Variants in FAT1 observed in about 807,000 individuals in gnomAD.
The protein encoded by FAT1 is protocadherin Fat 1.
FAT1 carries 171 observed loss-of-function variants against 329.8 expected under a neutral mutation model. The ratio of observed to expected loss-of-function variants is 0.52; its 90% CI spans 0.46 to 0.59. The LOEUF is 0.59. Among genes scored for constraint, FAT1 ranks in the 20% least tolerant of loss-of-function variants. FAT1 has a pLI of 0.00. For synonymous variants in FAT1, 2,233 were observed against 2,228.6 expected, an observed-to-expected ratio of 1.00 and a Z score of -0.06; for missense variants, 5,672 against 5,774.4, an observed-to-expected ratio of 0.98 and a Z score of 0.57.
At chr4:186,714,483 T>G (rs1330996585) in intron 1 of FAT1, among the ~76,000 whole-genome samples, 1 of 151,890 alleles carries the variant, frequency 6.6e-6, no homozygotes, top group Non-Finnish European at 1.5e-5. Context: ...GCAGCAGATA[T>G]GTGGGAGACT....
chr4:186,611,634 A>G lies in FAT1; in HGVS notation c.9605T>C (p.Val3202Ala), dbSNP rs2126469021. 1 of 1,613,464 alleles carries G rather than the reference A, an allele frequency of 6.2e-7. No homozygotes were observed. The highest frequency in any genetic ancestry group is 8.5e-7 in the Non-Finnish European group (1 of 1,179,708). The change falls in exon 14 of 27, where the codon GTG becomes GCG. Residue 3202 changes from valine (V) to alanine (A), a missense_variant. By Grantham distance (64) the Val-to-Ala change is moderately conservative. Around this residue, in one of 2 missense-constraint regions of FAT1, gnomAD observed 1,706 missense variants for 1,859.1 expected, o/e 0.92. Transcript: ENST00000441802. The part of the protein sequence containing the change: ...QAVYTLSLKA[V>A]DQGLPRRLTA... ...CAGCCTCCTTGGCAAGCCTTGATCC[A>G]CAGCTTTCAAAGAGAGGGTGTATAC...
chr4:186,701,922 C>T (rs189965365), intron 2 of FAT1, among the ~76,000 whole-genome samples: 6 of 152,366 alleles, frequency 3.9e-5, no homozygotes, highest in East Asian at 1.9e-4. Context: ...GAAACGCACT[C>T]ACCTGTGTGC....
intron 9 of FAT1, among the ~76,000 whole-genome samples, chr4:186,622,565 A>G (rs572809737): frequency 1.3e-5 from 2 of 152,332 alleles, no homozygotes; most frequent in East Asian, 3.9e-4. Context: ...TGAAGCTGAG[A>G]GGCTGCTCAA....
At chr4:186,659,259 A>G (rs1193383610) in intron 3 of FAT1, among the ~76,000 whole-genome samples, 1 of 152,188 alleles carries the variant, frequency 6.6e-6, no homozygotes, top group East Asian at 1.9e-4. Context: ...TGTCCACACA[A>G]CGACAAAATC....
At chr4:186,665,839 T>C (rs1384233247) in intron 2 of FAT1, among the ~76,000 whole-genome samples, 1 of 151,986 alleles carries the variant, frequency 6.6e-6, no homozygotes, top group Non-Finnish European at 1.5e-5. Flanking sequence ...CTACACACCA[T>C]GGAATACTAG....
chr4:186,603,927 A>G lies in FAT1; in HGVS notation c.10599T>C (p.Ile3533=), dbSNP rs750788698. 9.9e-6 allele frequency: 16 copies of G among 1,613,754 alleles called. No homozygotes were observed. The highest frequency in any genetic ancestry group is 1.6e-4 in the Middle Eastern group (1 of 6,084). Residue 3533 remains isoleucine, a synonymous_variant, in exon 19 of 27, where the codon ATT becomes ATC. Coordinates refer to ENST00000441802, the MANE Select transcript of FAT1 (RefSeq NM_005245.4). ...GATAGATGCTCTCCTCAATTACCCT[A>G]ATGTCAATGTATGTCAAAGATGACA... The part of the protein sequence containing the change: ...PQLSSLTYID[I]RVIEESIYPP...
intron 23 of FAT1, 77 bp from the exon 24 acceptor site, chr4:186,597,869 G>T: frequency 6.4e-7 from 1 of 1,558,950 alleles, no homozygotes; most frequent in Non-Finnish European, 8.8e-7. Context: ...AAGCAAAACA[G>T]AACACATTAG....
At chr4:186,594,887 AAT>A (rs1458093196) in intron 26 of FAT1, among the ~76,000 whole-genome samples, 1 of 151,656 alleles carries the variant, frequency 6.6e-6, no homozygotes, top group Non-Finnish European at 1.5e-5. Flanking sequence ...ATAACATATT[AAT>A]ATGTTTAATA....
In FAT1 at chr4:186,702,341, AAT is replaced by A. The variant is rs372731733; in HGVS notation, c.3265+4220_3265+4221del. Among the ~76,000 whole-genome samples, 257 of 152,350 alleles carry A rather than the reference AAT, an allele frequency of 1.7e-3. 1 individual carries two copies. Among genetic ancestry groups the A allele is most frequent in the African/African-American group, 5.3e-3 (219 of 41,580 alleles). On this transcript the variant is annotated intron_variant, in intron 2 of 26. Transcript: ENST00000441802. ...GGGATGCTAAAAGTAACACAGCAGT[AAT>A]ATGTTTAGAGATCTGCTCTTATCTT...
chr4:186,592,168 A>G lies in FAT1; in HGVS notation c.13139-2948T>C, dbSNP rs1214720428. On this transcript the variant is annotated intron_variant, in intron 26 of 26. Coordinates refer to ENST00000441802, the MANE Select transcript of FAT1 (RefSeq NM_005245.4). ...TATTTTAATTTAAAATAATTTGGGG[A>G]AGGTGCTCAATGTCCTTTCTTACAA... is the stretch of plus-strand genomic sequence containing the variant. Among the ~76,000 whole-genome samples the G allele has an allele frequency of 2.0e-5, 3 of 152,190 alleles. No homozygotes were observed. In the East Asian group the frequency reaches 5.8e-4, roughly 29 times the overall value.
chr4:186,710,786 G>A (rs954977705), intron 1 of FAT1, among the ~76,000 whole-genome samples: 14 of 152,134 alleles, frequency 9.2e-5, no homozygotes, highest in Admixed American at 1.3e-4. Flanking sequence ...GCTAACACAC[G>A]TCAAGGGTCA....
At position 186,663,543 on chromosome 4, in the gene FAT1, G is replaced by C. The variant is rs779141601; in HGVS notation, c.3336C>G (p.Thr1112=). ...TSHYWLTVFA[T]DQGVVPLSSF... ...ATGAAAGAGGCACGACACCCTGATC[G>C]GTTGCAAAGACTGTTAGCCAATAAT... The change falls in exon 3 of 27, where the codon ACC becomes ACG. Residue 1112 remains threonine, a synonymous_variant. Coordinates refer to ENST00000441802, the MANE Select transcript of FAT1 (RefSeq NM_005245.4). The C allele has an allele frequency of 4.3e-6, 7 of 1,613,544 alleles. No individual in the cohort carries two copies.
At position 186,619,468 on chromosome 4, in the gene FAT1, T is replaced by A. The variant is rs142890707; in HGVS notation, c.7118A>T (p.Asp2373Val). Residue 2373 changes from aspartate to valine, a missense_variant, in exon 10 of 27, where the codon GAT (aspartate) becomes GTT (valine). Transcript: ENST00000441802. ...GGTAACGTCCACCGTGACAATCACA[T>A]CACTGCTCAGCGTGGGCATACCACC... ...VDGGMPTLSS[D>V]VIVTVDVTDL... 3.1e-6 allele frequency: 5 copies of A among 1,613,994 alleles called. No individual in the cohort carries two copies. The highest frequency in any genetic ancestry group is 4.2e-6 in the Non-Finnish European group (5 of 1,179,890).
chr4:186,707,210 A>G lies in FAT1; in HGVS notation c.2618T>C (p.Val873Ala), dbSNP rs1352463046. Residue 873 changes from valine to alanine, a missense_variant, in exon 2 of 27, where the codon GTG (valine) becomes GCG (alanine). Around this residue, in one of 2 missense-constraint regions of FAT1, gnomAD observed 3,966 missense variants for 3,915.2 expected, o/e 1.01. Coordinates refer to ENST00000441802, the MANE Select transcript of FAT1 (RefSeq NM_005245.4). ...GCGTGCGATGTTAACAACACCCGTC[A>G]CGCTGTCAATTGAAAATGTGTCTGT... ...TDTDTFSIDSVTGVVNIARPL... is the reference protein window; with the variant it reads ...TDTDTFSIDSATGVVNIARPL... 5.6e-6 allele frequency: 9 copies of G among 1,613,792 alleles called. No individual in the cohort carries two copies. The African/African-American group carries it at 6.7e-5, about 12-fold the overall frequency.
Position 186,600,149 on chromosome 4 carries a change from AAC to A in FAT1, c.11850_11851del (p.Phe3952TrpfsTer19), listed in dbSNP as rs781253827. ...CTGCTGACGGATGTGGCCACCAAAA[AAC>A]ACATAGTTATCCAGGTTCAGGGTTT... On this transcript the variant is annotated frameshift_variant, in exon 22 of 27. Transcript: ENST00000441802. LOFTEE classifies it high-confidence loss of function. 8 of 1,614,036 alleles carry A rather than the reference AAC, an allele frequency of 5.0e-6. No homozygotes were observed. The highest frequency in any genetic ancestry group is 6.8e-6 in the Non-Finnish European group (8 of 1,179,896).
In FAT1 at chr4:186,706,821, C is replaced by T. The variant is rs2126683347; in HGVS notation, c.3007G>A (p.Ala1003Thr). ...KKQVYNLTVR[A>T]KDKGKPVSLS... ...GAAACTGGCTTTCCCTTGTCTTTGG[C>T]CCTCACAGTGAGATTATACACTTGC... Residue 1003 changes from alanine to threonine, a missense_variant, in exon 2 of 27, where the codon GCC becomes ACC. Physicochemically the swap from Ala to Thr is moderately conservative, Grantham distance 58 (BLOSUM62 0). Around this residue, in one of 2 missense-constraint regions of FAT1, gnomAD observed 3,966 missense variants for 3,915.2 expected, o/e 1.01. Transcript: ENST00000441802. 6.2e-7 allele frequency: 1 copy of T among 1,614,002 alleles called. No homozygotes were observed. Among genetic ancestry groups the T allele is most frequent in the African/African-American group, 1.3e-5 (1 of 75,046 alleles).
At chr4:186,724,183 T>TAAAAAAAA (rs59026469), upstream of FAT1, among the ~76,000 whole-genome samples, 17 of 71,324 alleles carry the variant, frequency 2.4e-4, no homozygotes, top group African/African-American at 8.1e-4. The surrounding 1 kb of genome is among the most constrained non-coding windows in gnomAD (Gnocchi z 5.3). Context: ...TTAGCTTAGC[T>TAAAAAAAA]AAAAAAAAAA....
intron 2 of FAT1, among the ~76,000 whole-genome samples, chr4:186,675,324 T>C (rs1020627076): frequency 1.3e-5 from 2 of 150,672 alleles, no homozygotes; most frequent in Non-Finnish European, 3.0e-5. Flanking sequence ...AAAACTAGCC[T>C]CAGCATGGTG....
intron 16 of FAT1, among the ~76,000 whole-genome samples, 196 bp downstream of exon 16, chr4:186,608,987 C>CT (rs761771130): frequency 1.6e-4 from 25 of 152,204 alleles, no homozygotes; most frequent in Admixed American, 4.6e-4. Context: ...ATTATCCAAA[C>CT]TTTATCCTAG....
Sources: allele counts gnomAD v4.1 joint callset (sites outside exome capture counted in the v4.1 genomes callset), GRCh38; gene constraint gnomAD v4.1.1; regional missense constraint gnomAD v4.1.1; non-coding constraint Gnocchi (gnomAD v3.1); transcripts MANE v1.5; gene names NCBI Gene and HGNC (gene_info 2026-07-23, HGNC 2026-07-21).